Variants in PDE8A observed in about 807,000 individuals in gnomAD.
The protein encoded by PDE8A is phosphodiesterase 8A, also known as high affinity cAMP-specific and IBMX-insensitive 3',5'-cyclic phosphodiesterase 8A.
A neutral mutation model predicts 105.0 loss-of-function variants in PDE8A; 59 were observed. That is an observed-to-expected ratio of 0.56 (90% CI 0.46 to 0.70). PDE8A has a LOEUF of 0.70. PDE8A is among the 30% of genes least tolerant of loss of function. PDE8A has a pLI of 0.00. For missense variants in PDE8A, 1,014 were observed against 1,045.9 expected, an observed-to-expected ratio of 0.97 and a Z score of 0.42; for synonymous variants, 355 against 371.9, an observed-to-expected ratio of 0.95 and a Z score of 0.52.
upstream of PDE8A, among the ~76,000 whole-genome samples, chr15:84,981,119 T>C (rs557238876): frequency 1.9e-4 from 29 of 152,298 alleles, no homozygotes; most frequent in African/African-American, 7.0e-4. Flanking sequence ...AGCCGCTAAG[T>C]TACGGAGCCG....
intron 1 of PDE8A, among the ~76,000 whole-genome samples, chr15:84,991,623 A>G (rs2079886803): frequency 6.6e-6 from 1 of 152,210 alleles, no homozygotes; most frequent in South Asian, 2.1e-4. Context: ...TCTTTACTGG[A>G]AACATGTACG....
chr15:85,092,859 A>G (rs187339390), intron 8 of PDE8A, among the ~76,000 whole-genome samples: 6 of 152,092 alleles, frequency 3.9e-5, no homozygotes. Flanking sequence ...CTCTAAAATT[A>G]TACTTATTGT....
At position 85,067,136 on chromosome 15, in the gene PDE8A, C is replaced by T. The variant is rs1178774535; in HGVS notation, c.366C>T (p.Asp122=). The change falls in exon 3 of 22, where the codon GAC becomes GAT. Residue 122 remains aspartate (D), a synonymous_variant. Coordinates refer to ENST00000394553, the MANE Select transcript of PDE8A (RefSeq NM_002605.3). ...EAQAVLACFL[D]KHHDIIIIDH... ...AGGCTGTCCTTGCCTGTTTCCTGGA[C>T]AAACATCATGACATTATCATCATAG... 7 of 1,613,842 alleles carry T rather than the reference C, an allele frequency of 4.3e-6. No homozygotes were observed. The highest frequency in any genetic ancestry group is 5.9e-6 in the Non-Finnish European group (7 of 1,179,912).
intron 1 of PDE8A, among the ~76,000 whole-genome samples, chr15:85,004,394 T>C (rs2080112392): frequency 6.6e-6 from 1 of 152,126 alleles, no homozygotes; most frequent in African/African-American, 2.4e-5. Context: ...AATCAGACTA[T>C]GGAGTGGTTG....
chr15:85,076,698 A>G (rs1409037601), intron 4 of PDE8A, 35 bp from the exon 5 acceptor site: 2 of 1,363,586 alleles, frequency 1.5e-6, no homozygotes, highest in East Asian at 4.6e-5. Flanking sequence ...ATTGATAAAA[A>G]CTATGTCTAT....
intron 18 of PDE8A, 65 bp from the exon 19 acceptor site, chr15:85,122,996 T>C: frequency 6.5e-7 from 1 of 1,541,478 alleles, no homozygotes. Context: ...CAGATTGTTT[T>C]CAGGAGTACC....
chr15:85,012,554 G>A (rs1171684105), intron 1 of PDE8A, among the ~76,000 whole-genome samples: 2 of 146,996 alleles, frequency 1.4e-5, no homozygotes, highest in African/African-American at 5.1e-5. Context: ...GTTGTGGGTT[G>A]GGGGGAGGGG....
Position 85,065,253 on chromosome 15 carries a change from G to A in PDE8A, c.243+827G>A, listed in dbSNP as rs116380095. ...CTGTAATTTATCTAATTCAAAATAT[G>A]AGACAGAAAACAACCAATTGATGAA... On this transcript the variant is annotated intron_variant, in intron 2 of 21. Coordinates refer to ENST00000394553, the MANE Select transcript of PDE8A (RefSeq NM_002605.3). Among the ~76,000 whole-genome samples, 646 of 146,412 alleles carry A rather than the reference G, an allele frequency of 4.4e-3. 10 individuals carry two copies. Among genetic ancestry groups the A allele is most frequent in the African/African-American group, 0.015 (611 of 39,592 alleles).
intron 1 of PDE8A, among the ~76,000 whole-genome samples, chr15:85,013,421 G>A (rs1014038560): frequency 6.6e-6 from 1 of 152,168 alleles, no homozygotes; most frequent in Admixed American, 6.5e-5. Flanking sequence ...GAGATAATGT[G>A]ATAAATGATA....
intron 1 of PDE8A, among the ~76,000 whole-genome samples, chr15:85,004,973 A>T (rs987600273): frequency 2.0e-5 from 3 of 151,730 alleles, no homozygotes; most frequent in African/African-American, 7.3e-5. Flanking sequence ...TGGACTCAAC[A>T]TAGTCCATAT....
chr15:85,038,216 G>GTGTGT lies in PDE8A; in HGVS notation c.187-26154_187-26153insTGTGT, dbSNP rs1567242206. On this transcript the variant is annotated intron_variant, in intron 1 of 21. Transcript: ENST00000394553. The stretch of plus-strand genomic sequence containing the variant: ...TCTGCAAGGCTCTCTCCAATTGGGG[G>GTGTGT]GTGTGTGTGTGTGTGTGTGTGTGTG... 2.5e-3 allele frequency among the ~76,000 whole-genome samples: 119 copies of GTGTGT among 48,320 alleles called. 1 individual carries two copies. Among genetic ancestry groups the GTGTGT allele is most frequent in the African/African-American group, 0.011 (109 of 9,882 alleles). 31.7% of individuals were successfully genotyped at this position (48,320 alleles called of 152,430 possible). A position where few individuals can be genotyped will look rare whatever the true frequency, so the allele number is the denominator to read the frequency against.
At chr15:84,991,344 A>G (rs1007422656) in intron 1 of PDE8A, among the ~76,000 whole-genome samples, 1 of 152,258 alleles carries the variant, frequency 6.6e-6, no homozygotes, top group South Asian at 2.1e-4. Context: ...CAGGCACAGC[A>G]CTAAGAGGAA....
chr15:85,042,166 T>G (rs957706012), intron 1 of PDE8A, among the ~76,000 whole-genome samples: 7 of 151,998 alleles, frequency 4.6e-5, no homozygotes, highest in African/African-American at 1.7e-4. Flanking sequence ...CAGAGGTTTG[T>G]TTTTTGTTTT....
chr15:85,093,062 T>C (rs115400321), intron 8 of PDE8A, among the ~76,000 whole-genome samples: 2,556 of 152,030 alleles, frequency 0.017, 52 homozygotes, highest in Middle Eastern at 0.054. Flanking sequence ...GCACATGCCG[T>C]CATGCCTAAT....
intron 1 of PDE8A, among the ~76,000 whole-genome samples, chr15:84,988,413 C>A (rs914567024): frequency 2.0e-5 from 3 of 152,188 alleles, no homozygotes; most frequent in African/African-American, 7.2e-5. Flanking sequence ...ACCTTAGGTT[C>A]CTGTGTTTGA....
At chr15:84,996,393 T>C (rs1407099243) in intron 1 of PDE8A, among the ~76,000 whole-genome samples, 1 of 152,136 alleles carries the variant, frequency 6.6e-6, no homozygotes, top group Non-Finnish European at 1.5e-5. Flanking sequence ...GTTGTCCAAG[T>C]GGTCTTGAAC....
chr15:85,032,600 A>C (rs2080633350), intron 1 of PDE8A, among the ~76,000 whole-genome samples: 1 of 152,094 alleles, frequency 6.6e-6, no homozygotes, highest in African/African-American at 2.4e-5. Context: ...GGTTTATGGG[A>C]TTGTTTATTT....
intron 1 of PDE8A, among the ~76,000 whole-genome samples, chr15:84,998,477 A>G (rs1403679300): frequency 6.6e-6 from 1 of 152,218 alleles, no homozygotes. Context: ...CTTGGATGTC[A>G]TTAGAGGAGT....
At chr15:84,981,433 C>T (rs1365866920), upstream of PDE8A, among the ~76,000 whole-genome samples, 1 of 152,164 alleles carries the variant, frequency 6.6e-6, no homozygotes, top group Non-Finnish European at 1.5e-5. Context: ...GTGCGCGCAG[C>T]CGTTTCTGCG....
Sources: gnomAD v4.1 joint callset for allele counts (sites outside exome capture counted in the v4.1 genomes callset) on GRCh38, gnomAD v4.1.1 for gene constraint, MANE v1.5 for transcripts, NCBI Gene and HGNC (gene_info 2026-07-23, HGNC 2026-07-21) for gene names.